Variants in EXOC6B observed in about 807,000 individuals in gnomAD.
EXOC6B encodes exocyst complex component 6B.
Under a neutral mutation model 113.5 loss-of-function variants are expected in EXOC6B, and 54 were observed. That is an observed-to-expected ratio of 0.48 (90% CI 0.38 to 0.60). EXOC6B has a LOEUF of 0.60. Among genes scored for constraint, EXOC6B ranks in the 20% least tolerant of loss-of-function variants. EXOC6B has a pLI of 0.00. For missense variants in EXOC6B, 797 were observed against 977.5 expected (o/e 0.82, Z 2.46); for synonymous variants, 357 against 339.0 (o/e 1.05, Z -0.58).
At chr2:72,514,608 AT>A (rs1444416369) in intron 10 of EXOC6B, 25 bp downstream of exon 10, 13 of 325,632 alleles carry the variant, frequency 4.0e-5, no homozygotes, top group African/African-American at 1.3e-4. Flanking sequence ...ATAAATAAAT[AT>A]ATATATATAT....
At chr2:72,195,566 T>C (rs954874466) in intron 20 of EXOC6B, among the ~76,000 whole-genome samples, 1 of 152,186 alleles carries the variant, frequency 6.6e-6, no homozygotes, top group African/African-American at 2.4e-5. Flanking sequence ...GTGGGTGAAT[T>C]AGGGACTATA....
At chr2:72,256,200 T>G (rs10193543) in intron 20 of EXOC6B, among the ~76,000 whole-genome samples, 20,322 of 152,196 alleles carry the variant, frequency 0.13, 1,509 homozygotes, top group Admixed American at 0.17. Context: ...CAAGGAAGGA[T>G]TCTCCCTTAG....
intron 18 of EXOC6B, among the ~76,000 whole-genome samples, chr2:72,435,664 C>G (rs2105313531): frequency 6.6e-6 from 1 of 150,904 alleles, no homozygotes; most frequent in Middle Eastern, 3.5e-3. Context: ...CTTTTTTGAT[C>G]TTTGTTGGTT....
intron 20 of EXOC6B, among the ~76,000 whole-genome samples, chr2:72,232,127 C>T (rs1483375101): frequency 6.6e-6 from 1 of 152,056 alleles, no homozygotes; most frequent in East Asian, 1.9e-4. Flanking sequence ...GCGTGCACCA[C>T]CACTCCTGGA....
intron 6 of EXOC6B, among the ~76,000 whole-genome samples, chr2:72,642,458 C>T (rs1254695950): frequency 6.8e-6 from 1 of 146,278 alleles, no homozygotes; most frequent in Admixed American, 7.0e-5. Context: ...GAAATAACGC[C>T]ACATATCTAC....
chr2:72,779,592 C>T (rs1683909279), intron 1 of EXOC6B, among the ~76,000 whole-genome samples: 1 of 152,040 alleles, frequency 6.6e-6, no homozygotes, highest in African/African-American at 2.4e-5. Flanking sequence ...TTTGGTCAGA[C>T]CCCAAGCCCC....
At chr2:72,342,770 TCAACAACAA>T (rs923553463) in intron 19 of EXOC6B, among the ~76,000 whole-genome samples, 2 of 151,136 alleles carry the variant, frequency 1.3e-5, no homozygotes, top group Non-Finnish European at 3.0e-5. Flanking sequence ...TCTGAAAATA[TCAACAACAA>T]CAACAACAAC....
At chr2:72,628,221 C>T (rs924265960) in intron 6 of EXOC6B, among the ~76,000 whole-genome samples, 1 of 151,948 alleles carries the variant, frequency 6.6e-6, no homozygotes. Flanking sequence ...AACTCCTGGG[C>T]TCAACAATCC....
At chr2:72,258,071 T>C (rs887688264) in intron 20 of EXOC6B, among the ~76,000 whole-genome samples, 1 of 152,234 alleles carries the variant, frequency 6.6e-6, no homozygotes, top group East Asian at 1.9e-4. Flanking sequence ...TAAAAGCCTA[T>C]ATATGATTAG....
At chr2:72,511,538 G>T (rs1700895050) in intron 11 of EXOC6B, among the ~76,000 whole-genome samples, 1 of 152,052 alleles carries the variant, frequency 6.6e-6, no homozygotes, top group African/African-American at 2.4e-5. Flanking sequence ...GACTAGCCTA[G>T]TAATTGTTTT....
At chr2:72,325,425 C>CT (rs1688071314) in intron 20 of EXOC6B, among the ~76,000 whole-genome samples, 1 of 152,010 alleles carries the variant, frequency 6.6e-6, no homozygotes, top group Non-Finnish European at 1.5e-5. Flanking sequence ...CCTAACTGTA[C>CT]TTTTGCCTCT....
chr2:72,543,839 T>A (rs1243311387), intron 8 of EXOC6B, among the ~76,000 whole-genome samples: 1 of 152,194 alleles, frequency 6.6e-6, no homozygotes, highest in Admixed American at 6.6e-5. Flanking sequence ...TAGGAGGCAG[T>A]AAGATATGGC....
At chr2:72,554,336 A>T (rs1443731364) in intron 8 of EXOC6B, among the ~76,000 whole-genome samples, 1 of 152,180 alleles carries the variant, frequency 6.6e-6, no homozygotes, top group Non-Finnish European at 1.5e-5. Context: ...GGGGATCAAG[A>T]TCCTGAACCA....
chr2:72,331,300 GATAAA>G (rs1688408637), intron 20 of EXOC6B, among the ~76,000 whole-genome samples: 1 of 152,036 alleles, frequency 6.6e-6, no homozygotes, highest in Admixed American at 6.6e-5. Context: ...CTTAGACTTT[GATAAA>G]ATAAACTGAA....
At chr2:72,531,877 G>A (rs754632568) in intron 8 of EXOC6B, among the ~76,000 whole-genome samples, 6 of 152,076 alleles carry the variant, frequency 3.9e-5, no homozygotes, top group East Asian at 3.9e-4. Flanking sequence ...CCAGCTACTC[G>A]GGAGGGCTGA....
At chr2:72,505,113 C>A (rs761875364) in intron 11 of EXOC6B, among the ~76,000 whole-genome samples, 3 of 152,038 alleles carry the variant, frequency 2.0e-5, no homozygotes, top group Non-Finnish European at 4.4e-5. Context: ...GTGTCTGAAT[C>A]TTTTCCTTTA....
intron 18 of EXOC6B, chr2:72,464,213 T>C (rs1013359684): frequency 1.3e-5 from 2 of 152,192 alleles, no homozygotes; most frequent in Non-Finnish European, 2.9e-5. Context: ...CCATCAGCAA[T>C]TGCTGATACT....
At chr2:72,487,393 G>A (rs1054909145) in intron 16 of EXOC6B, among the ~76,000 whole-genome samples, 20 of 151,778 alleles carry the variant, frequency 1.3e-4, no homozygotes, top group African/African-American at 4.1e-4. Context: ...ATGGAGTCTC[G>A]CTCTGCCACC....
chr2:72,469,030 C>A (rs539772731), intron 17 of EXOC6B, among the ~76,000 whole-genome samples: 13 of 152,144 alleles, frequency 8.5e-5, no homozygotes, highest in African/African-American at 2.6e-4. Flanking sequence ...CAGGCTACTA[C>A]CCCTATTTAA....
Sources: allele counts gnomAD v4.1 joint callset (sites outside exome capture counted in the v4.1 genomes callset), GRCh38; gene constraint gnomAD v4.1.1; transcripts MANE v1.5; gene names NCBI Gene and HGNC (gene_info 2026-07-23, HGNC 2026-07-21).